Variants in AFAP1 observed in about 807,000 individuals in gnomAD.
The protein encoded by AFAP1 is actin filament-associated protein 1.
In AFAP1, 75 loss-of-function variants were observed where a neutral mutation model predicts 93.9. That is an observed-to-expected ratio of 0.80 (90% CI 0.66 to 0.97). The LOEUF (loss-of-function observed/expected upper bound fraction) is 0.97, where lower values mean the gene tolerates loss of function less well. Among genes scored for constraint, AFAP1 ranks in the 50% least tolerant of loss-of-function variants. AFAP1 has a pLI of 0.00. For synonymous variants in AFAP1, 517 were observed against 430.7 expected (o/e 1.20, Z -2.48); for missense variants, 1,201 against 1,050.8 (o/e 1.14, Z -1.98).
At chr4:7,843,924 AC>A (rs1713367082) in intron 4 of AFAP1, 1 of 158,228 alleles carries the variant, frequency 6.3e-6, no homozygotes, top group Admixed American at 5.9e-5. Flanking sequence ...TCTGTGACAC[AC>A]TGGCATGTAT....
chr4:7,797,989 C>G (rs980046404), intron 10 of AFAP1, among the ~76,000 whole-genome samples: 4 of 152,182 alleles, frequency 2.6e-5, no homozygotes, highest in South Asian at 2.1e-4. Flanking sequence ...AGGCATCCTT[C>G]GTGCTATCCT....
intron 16 of AFAP1, chr4:7,772,424 C>A (rs1715566386): frequency 6.0e-6 from 1 of 166,742 alleles, no homozygotes; most frequent in South Asian, 1.9e-4. Flanking sequence ...CAGACTGCTT[C>A]ATTCATTTCA....
At chr4:7,917,235 G>A (rs184059137) in intron 1 of AFAP1, among the ~76,000 whole-genome samples, 15 of 152,250 alleles carry the variant, frequency 9.9e-5, no homozygotes, top group Admixed American at 3.3e-4. Flanking sequence ...GCACTCCAGC[G>A]AACAAAAGGA....
intron 1 of AFAP1, among the ~76,000 whole-genome samples, chr4:7,928,016 A>G (rs1270434485): frequency 2.0e-5 from 3 of 152,218 alleles, no homozygotes; most frequent in African/African-American, 7.2e-5. Flanking sequence ...ACCAATGCAG[A>G]TACCCCAATC....
intron 10 of AFAP1, among the ~76,000 whole-genome samples, chr4:7,796,578 T>C (rs1718437605): frequency 2.7e-5 from 4 of 150,196 alleles, no homozygotes; most frequent in Admixed American, 2.7e-4. Flanking sequence ...TGAAACCCTG[T>C]CTCTACTAAA....
chr4:7,801,919 A>T (rs1411135967), intron 9 of AFAP1, among the ~76,000 whole-genome samples: 29 of 104,950 alleles, frequency 2.8e-4, no homozygotes, highest in African/African-American at 8.2e-4. Context: ...TATCACAAAA[A>T]AAAAAAAAAA....
chr4:7,846,855 C>G (rs1169958642), intron 4 of AFAP1, among the ~76,000 whole-genome samples: 1 of 152,126 alleles, frequency 6.6e-6, no homozygotes, highest in East Asian at 1.9e-4. Flanking sequence ...GAATGAGTCT[C>G]GAAGACTACG....
chr4:7,883,187 A>G (rs1272484253), intron 1 of AFAP1, among the ~76,000 whole-genome samples: 19 of 145,246 alleles, frequency 1.3e-4, no homozygotes, highest in Non-Finnish European at 2.4e-4. Context: ...CCCTATCTCA[A>G]AAAAAAAAAA....
rs1718495584 is a variant in AFAP1 at position 7,891,916 on chromosome 4, T to G, written c.-2-19836A>C. ...AAATACAAAATAAATTAGCTGGGTG[T>G]GGTGGTAGGCACTTGTAATCCCAGC... On this transcript the variant is annotated intron_variant, in intron 1 of 17. Coordinates refer to ENST00000420658, the MANE Select transcript of AFAP1 (RefSeq NM_001134647.2). Among the ~76,000 whole-genome samples, 2 of 151,924 alleles carry G rather than the reference T, an allele frequency of 1.3e-5. 1 individual carries two copies. The highest frequency in any genetic ancestry group is 2.9e-5 in the Non-Finnish European group (2 of 67,990).
intron 11 of AFAP1, among the ~76,000 whole-genome samples, chr4:7,789,318 C>T (rs999955031): frequency 6.6e-6 from 1 of 152,204 alleles, no homozygotes; most frequent in Admixed American, 6.5e-5. Context: ...AGCTATTTCA[C>T]AATAACCTCC....
intron 1 of AFAP1, among the ~76,000 whole-genome samples, chr4:7,918,122 G>C (rs752105873): frequency 8.5e-5 from 13 of 152,218 alleles, no homozygotes; most frequent in Non-Finnish European, 1.8e-4. Context: ...GGAGAAGATG[G>C]GTGCAACTTC....
In AFAP1 at chr4:7,853,722, G is replaced by A. The variant is rs187364406; in HGVS notation, c.334+1744C>T. Among the ~76,000 whole-genome samples, 7 of 152,256 alleles carry A rather than the reference G, an allele frequency of 4.6e-5. No individual in the cohort carries two copies. The East Asian group carries it at 1.4e-3, about 29-fold the overall frequency. On this transcript the variant is annotated intron_variant, in intron 4 of 17. Transcript: ENST00000420658. ...GTTTCACAAAACCATCTCAAAGTTC[G>A]TATCTAACTGAAGGTGGTACAATCC... is the stretch of plus-strand genomic sequence containing the variant.
At chr4:7,855,609 C>A in intron 3 of AFAP1, 35 bp from the exon 4 acceptor site, 1 of 1,498,554 alleles carries the variant, frequency 6.7e-7, no homozygotes, top group Non-Finnish European at 9.3e-7. Flanking sequence ...CAGAAATTAG[C>A]ATGACCATTA....
In AFAP1 at chr4:7,843,166, G is replaced by C. The variant is rs371186675; in HGVS notation, c.519C>G (p.Leu173=). 6.2e-6 allele frequency: 10 copies of C among 1,614,062 alleles called. No homozygotes were observed. The highest frequency in any genetic ancestry group is 2.7e-5 in the African/African-American group (2 of 74,928). The change falls in exon 5 of 18, where the codon CTC becomes CTG. Residue 173 remains leucine, a synonymous_variant. Transcript: ENST00000420658. ...GCAGTTTGGTGTCTTTGATGACGCA[G>C]AGCAACTTGGTCCACTGGCCGAACC... ...KKRFGQWTKL[L]CVIKDTKLLC...
rs964196730 is a variant in AFAP1, at chr4:7,759,372, C to T, written c.*4393G>A. 2.0e-5 allele frequency: 3 copies of T among 152,670 alleles called. No homozygotes were observed. Among genetic ancestry groups the T allele is most frequent in the Non-Finnish European group, 2.9e-5 (2 of 68,054 alleles). 9.5% of individuals were successfully genotyped at this position (152,670 alleles called of 1,614,324 possible). ...ACTACGGGCGAAAGGATGCGTCTGA[C>T]GCCCACCACTTCCTGGGTGCAGTTT... On this transcript the variant is annotated 3_prime_UTR_variant, in exon 18 of 18. Transcript: ENST00000420658.
At chr4:7,933,425 T>C (rs1721206673) in intron 1 of AFAP1, among the ~76,000 whole-genome samples, 1 of 151,886 alleles carries the variant, frequency 6.6e-6, no homozygotes. Context: ...ATACAAAAAT[T>C]AGTCGGGCAC....
At chr4:7,907,082 C>T (rs1201128256) in intron 1 of AFAP1, among the ~76,000 whole-genome samples, 1 of 151,622 alleles carries the variant, frequency 6.6e-6, no homozygotes, top group African/African-American at 2.4e-5. Flanking sequence ...AATGCTACAA[C>T]GTTGAAATCC....
intron 9 of AFAP1, among the ~76,000 whole-genome samples, chr4:7,801,379 G>C (rs1280865351): frequency 1.3e-5 from 2 of 151,948 alleles, no homozygotes; most frequent in Non-Finnish European, 2.9e-5. Flanking sequence ...AACATCTTCA[G>C]TATATCACAG....
At chr4:7,898,447 C>T (rs1421360024) in intron 1 of AFAP1, among the ~76,000 whole-genome samples, 1 of 151,890 alleles carries the variant, frequency 6.6e-6, no homozygotes, top group Non-Finnish European at 1.5e-5. Context: ...CACCTCTCTC[C>T]TTCCGCCTTT....
Sources: gnomAD v4.1 joint callset for allele counts (sites outside exome capture counted in the v4.1 genomes callset) on GRCh38, gnomAD v4.1.1 for gene constraint, MANE v1.5 for transcripts, NCBI Gene and HGNC (gene_info 2026-07-23, HGNC 2026-07-21) for gene names.